The following PLCL1 variants were observed in gnomAD, a reference collection of about 807,000 sequenced individuals.
The protein encoded by PLCL1 is inactive phospholipase C-like protein 1.
In PLCL1, 41 loss-of-function variants were observed where a neutral mutation model predicts 84.4. That is an observed-to-expected ratio of 0.49 (90% CI 0.38 to 0.63). PLCL1 has a LOEUF of 0.63. PLCL1 is among the 30% of genes least tolerant of loss of function. The pLI, the probability that PLCL1 is intolerant of heterozygous loss-of-function variation, is 0.00. For synonymous variants in PLCL1, 490 were observed against 488.3 expected (o/e 1.00, Z -0.05); for missense variants, 1,206 against 1,367.8 (o/e 0.88, Z 1.87).
chr2:197,951,143 A>C (rs1286840334), intron 1 of PLCL1, among the ~76,000 whole-genome samples: 1 of 152,170 alleles, frequency 6.6e-6, no homozygotes, highest in Non-Finnish European at 1.5e-5. Context: ...TCCATGATTA[A>C]GTTTGGTGGA....
In PLCL1 at chr2:198,085,123, ATGATCAT is replaced by A; in HGVS notation, c.1609_1615del (p.Ile537Ter). 6.2e-7 allele frequency: 1 copy of A among 1,614,120 alleles called. No individual in the cohort carries two copies. The highest frequency in any genetic ancestry group is 1.1e-5 in the South Asian group (1 of 91,082). ...CCCATCACCAGAAAAATTAAAAAGA[ATGATCAT>A]TGTGAAAGGAAAGAAGTTGCCTTCT... is the stretch of plus-strand genomic sequence containing the variant. On this transcript the variant is annotated frameshift_variant, in exon 2 of 6. Transcript: ENST00000428675. LOFTEE classifies it high-confidence loss of function. The surrounding 1 kb of genome is among the most constrained non-coding windows in gnomAD (Gnocchi z 5.3).
chr2:197,853,237 A>T (rs971092245), intron 1 of PLCL1, among the ~76,000 whole-genome samples: 1 of 152,316 alleles, frequency 6.6e-6, no homozygotes, highest in African/African-American at 2.4e-5. Context: ...CATTGTAGGT[A>T]TGTACCATAT....
Position 197,804,808 on chromosome 2 carries a change from C to G in PLCL1, c.-292C>G. ...CATCACATTTCGGATACCTCCCTCT[C>G]TTTTTCGCCTCTCCTTCTGCCTCCC... On this transcript the variant is annotated 5_prime_UTR_variant, in exon 1 of 6. Transcript: ENST00000428675. 1 of 332,306 alleles carries G rather than the reference C, an allele frequency of 3.0e-6. No individual in the cohort carries two copies. Among genetic ancestry groups the G allele is most frequent in the Non-Finnish European group, 5.5e-6 (1 of 182,810 alleles). 20.6% of individuals were successfully genotyped at this position (332,306 alleles called of 1,614,324 possible).
chr2:198,135,305 T>G (rs1694229536), intron 5 of PLCL1, among the ~76,000 whole-genome samples: 1 of 152,194 alleles, frequency 6.6e-6, no homozygotes, highest in African/African-American at 2.4e-5. Context: ...AATCACGATC[T>G]GTTACTAAAT....
At chr2:198,029,685 T>TCTTCTCTC (rs1691359799) in intron 1 of PLCL1, among the ~76,000 whole-genome samples, 1 of 132,920 alleles carries the variant, frequency 7.5e-6, no homozygotes, top group Non-Finnish European at 1.6e-5. Context: ...TCTCTTCTCT[T>TCTTCTCTC]CTCTCCTCTT....
At chr2:197,891,994 G>A (rs1353070671) in intron 1 of PLCL1, among the ~76,000 whole-genome samples, 1 of 152,142 alleles carries the variant, frequency 6.6e-6, no homozygotes, top group Admixed American at 6.5e-5. Flanking sequence ...ACACGTGAGT[G>A]TGCTTTATGA....
intron 5 of PLCL1, among the ~76,000 whole-genome samples, chr2:198,145,835 G>A (rs1694503584): frequency 6.6e-6 from 1 of 152,150 alleles, no homozygotes; most frequent in South Asian, 2.1e-4. Context: ...CTGCTTTGTA[G>A]AATAATGCTC....
At chr2:197,935,247 A>G (rs914288886) in intron 1 of PLCL1, among the ~76,000 whole-genome samples, 11 of 152,188 alleles carry the variant, frequency 7.2e-5, no homozygotes, top group Non-Finnish European at 1.6e-4. Context: ...AAGAATTTAA[A>G]ACAGAATTAC....
At chr2:198,047,474 G>A (rs375709285) in intron 1 of PLCL1, among the ~76,000 whole-genome samples, 5 of 152,070 alleles carry the variant, frequency 3.3e-5, no homozygotes, top group East Asian at 3.9e-4. Flanking sequence ...GAGCCACCAC[G>A]CCCAGCCAAA....
intron 1 of PLCL1, among the ~76,000 whole-genome samples, chr2:197,923,541 C>A (rs1688766051): frequency 6.9e-6 from 1 of 144,508 alleles, no homozygotes; most frequent in Admixed American, 6.8e-5. Flanking sequence ...CAGAGTCGCT[C>A]CCCACATCTC....
chr2:198,052,409 A>G (rs780280325), intron 1 of PLCL1, among the ~76,000 whole-genome samples: 11 of 152,160 alleles, frequency 7.2e-5, no homozygotes, highest in Non-Finnish European at 1.3e-4. Context: ...TGTAAAATTT[A>G]TGCATTTTTA....
At chr2:198,038,638 G>A (rs1691595518) in intron 1 of PLCL1, among the ~76,000 whole-genome samples, 1 of 152,046 alleles carries the variant, frequency 6.6e-6, no homozygotes, top group African/African-American at 2.4e-5. Context: ...GTACTTGTAT[G>A]TGCTGCATAA....
intron 1 of PLCL1, among the ~76,000 whole-genome samples, chr2:198,020,372 A>G (rs1691103483): frequency 6.6e-6 from 1 of 152,168 alleles, no homozygotes; most frequent in Non-Finnish European, 1.5e-5. Flanking sequence ...GACAGGATCA[A>G]GTTCACACAT....
At chr2:198,127,300 C>T (rs1694011390) in intron 5 of PLCL1, among the ~76,000 whole-genome samples, 2 of 152,204 alleles carry the variant, frequency 1.3e-5, no homozygotes, top group Middle Eastern at 3.4e-3. Flanking sequence ...ATAATACCAA[C>T]AGATTATTTA....
chr2:197,805,144 C>G lies in PLCL1; in HGVS notation c.45C>G (p.Asp15Glu). ...GCAGGGAGGATCCGGCGCCGCCCGA[C>G]GCGGCGGGGGGCGAAGACGACCCCC... ...AAGREDPAPP[D>E]AAGGEDDPRV... The change falls in exon 1 of 6, where the codon GAC (aspartate) becomes GAG (glutamate). Residue 15 changes from aspartate to glutamate, a missense_variant. Transcript: ENST00000428675. The surrounding 1 kb of genome is among the most constrained non-coding windows in gnomAD (Gnocchi z 4.0). The G allele has an allele frequency of 7.6e-7, 1 of 1,311,076 alleles. No individual in the cohort carries two copies. The allele number at this position is 1,311,076 out of a possible 1,614,324, so 81.2% of individuals were successfully genotyped here.
chr2:197,820,993 T>C (rs987653681), intron 1 of PLCL1, among the ~76,000 whole-genome samples: 1 of 152,158 alleles, frequency 6.6e-6, no homozygotes, highest in Non-Finnish European at 1.5e-5. Context: ...TGAAAATGGC[T>C]TAAGCATTTT....
At chr2:197,991,848 A>G (rs538173537) in intron 1 of PLCL1, among the ~76,000 whole-genome samples, 2 of 152,036 alleles carry the variant, frequency 1.3e-5, no homozygotes, top group Non-Finnish European at 2.9e-5. Context: ...CAGAGTGAGG[A>G]GAGGTTGGAG....
intron 5 of PLCL1, among the ~76,000 whole-genome samples, chr2:198,128,462 G>T (rs965233895): frequency 2.6e-5 from 4 of 152,276 alleles, no homozygotes; most frequent in Middle Eastern, 3.4e-3. Context: ...AGGGACTGCT[G>T]ATTGGCTGGG....
chr2:197,986,345 A>C (rs1304683433), intron 1 of PLCL1, among the ~76,000 whole-genome samples: 1 of 152,122 alleles, frequency 6.6e-6, no homozygotes, highest in East Asian at 1.9e-4. Context: ...CACTTAATTT[A>C]ATCATTTTTA....
Sources: allele counts gnomAD v4.1 joint callset (sites outside exome capture counted in the v4.1 genomes callset), GRCh38; gene constraint gnomAD v4.1.1; non-coding constraint Gnocchi (gnomAD v3.1); transcripts MANE v1.5; gene names NCBI Gene and HGNC (gene_info 2026-07-23, HGNC 2026-07-21).